The following PKD1L3 variants were observed in gnomAD, a reference collection of about 807,000 sequenced individuals.
PKD1L3 encodes the protein polycystin 1 like 3, transient receptor potential channel interacting, also known as polycystin-1-like protein 3.
Under a neutral mutation model 184.1 loss-of-function variants are expected in PKD1L3, and 239 were observed. The ratio of observed to expected loss-of-function variants is 1.30; its 90% CI spans 1.17 to 1.45. The LOEUF is 1.45. Ranked by LOEUF, PKD1L3 falls within the 40% of genes most tolerant of loss-of-function variation. The pLI is 0.00. For synonymous variants in PKD1L3, 996 were observed against 778.8 expected, an observed-to-expected ratio of 1.28 and a Z score of -4.64; for missense variants, 2,660 against 2,067.2, an observed-to-expected ratio of 1.29 and a Z score of -5.56.
chr16:71,957,612 A>G (rs572597466), intron 16 of PKD1L3, among the ~76,000 whole-genome samples: 10 of 152,120 alleles, frequency 6.6e-5, no homozygotes, highest in Non-Finnish European at 1.5e-4. Context: ...AGCCTGGCCA[A>G]CATGGTGAAA....
rs1313810000 is a variant in PKD1L3, at chr16:71,977,255, C to T, written c.1740G>A (p.Lys580=). ...THFHLNITLP[K]DKVWQKDEEY... ...TTTTACCTTTTTGCCACACCTTATCCTTTGGAAGGGTGATGTTCAGGTGGA... is the reference window on the plus strand; with the variant it reads ...TTTTACCTTTTTGCCACACCTTATCTTTTGGAAGGGTGATGTTCAGGTGGA... The change falls in exon 11 of 30, where the codon AAG becomes AAA. Residue 580 remains lysine, a synonymous_variant. Coordinates refer to ENST00000620267, the MANE Select transcript of PKD1L3 (RefSeq NM_181536.2). The T allele has an allele frequency of 5.2e-6, 8 of 1,530,608 alleles. No individual in the cohort carries two copies. Among genetic ancestry groups the T allele is most frequent in the Non-Finnish European group, 7.1e-6 (8 of 1,127,948 alleles). The allele number at this position is 1,530,608 out of a possible 1,614,324, so 94.8% of individuals were successfully genotyped here. A position where few individuals can be genotyped will look rare whatever the true frequency, so the allele number is the denominator to read the frequency against.
At position 71,950,899 on chromosome 16, in the gene PKD1L3, A is replaced by ATT. The variant is rs781559242; in HGVS notation, c.3191-591_3191-590dup. Among the ~76,000 whole-genome samples the ATT allele has an allele frequency of 2.8e-3, 397 of 140,128 alleles. 2 individuals are homozygous for ATT. Among genetic ancestry groups the ATT allele is most frequent in the African/African-American group, 9.9e-3 (380 of 38,212 alleles). 91.9% of individuals were successfully genotyped at this position (140,128 alleles called of 152,430 possible). A position where few individuals can be genotyped will look rare whatever the true frequency, so the allele number is the denominator to read the frequency against. ...AGGCATCTGCCACCATGACCAGCTA[A>ATT]TTTTTTTTTTTTTTTGTATTTTTAG... On this transcript the variant is annotated intron_variant, in intron 19 of 29. Coordinates refer to ENST00000620267, the MANE Select transcript of PKD1L3 (RefSeq NM_181536.2).
At chr16:71,971,706 A>C (rs764526341) in intron 12 of PKD1L3, among the ~76,000 whole-genome samples, 26 of 152,204 alleles carry the variant, frequency 1.7e-4, no homozygotes, top group Admixed American at 5.2e-4. Context: ...ACTGCTTCAG[A>C]ATCTACATTT....
intron 22 of PKD1L3, among the ~76,000 whole-genome samples, chr16:71,944,371 G>C (rs2038478278): frequency 6.6e-6 from 1 of 152,064 alleles, no homozygotes; most frequent in African/African-American, 2.4e-5. Context: ...TGATACTTTT[G>C]TACAATACAG....
intron 16 of PKD1L3, among the ~76,000 whole-genome samples, chr16:71,956,596 T>A (rs2039059065): frequency 6.6e-6 from 1 of 152,182 alleles, no homozygotes; most frequent in Non-Finnish European, 1.5e-5. Flanking sequence ...ACTGTATGGT[T>A]CTGCTTACAT....
rs578186543 is a variant in PKD1L3, at chr16:71,964,905, G to A, written c.2466-1554C>T. On this transcript the variant is annotated intron_variant, in intron 15 of 29. Coordinates refer to ENST00000620267, the MANE Select transcript of PKD1L3 (RefSeq NM_181536.2). The stretch of plus-strand genomic sequence containing the variant: ...TCTGTTGCCCAGGCTGGAGTGCAGC[G>A]GTGCGATCTTGGCTCACTGCAACCT... Among the ~76,000 whole-genome samples the A allele has an allele frequency of 2.8e-3, 412 of 148,462 alleles. 2 individuals are homozygous for A. Among genetic ancestry groups the A allele is most frequent in the African/African-American group, 6.1e-3 (245 of 40,220 alleles).
At chr16:71,943,883 G>A in intron 23 of PKD1L3, 147 bp downstream of exon 23, 4 of 971,274 alleles carry the variant, frequency 4.1e-6, no homozygotes, top group Non-Finnish European at 4.5e-6. Flanking sequence ...CATCCCACCT[G>A]CTTTACTGGA....
chr16:71,953,734 G>A (rs2038938038), intron 17 of PKD1L3, among the ~76,000 whole-genome samples: 1 of 152,040 alleles, frequency 6.6e-6, no homozygotes, highest in South Asian at 2.1e-4. Flanking sequence ...TCACTATCAT[G>A]GGAAAAGCAT....
intron 16 of PKD1L3, among the ~76,000 whole-genome samples, chr16:71,955,426 C>T (rs923750044): frequency 1.3e-5 from 2 of 151,940 alleles, no homozygotes; most frequent in African/African-American, 4.8e-5. Context: ...TACAGAGAGA[C>T]TCCATCTAAA....
chr16:71,976,038 C>A (rs2039906854), intron 11 of PKD1L3, among the ~76,000 whole-genome samples: 1 of 151,638 alleles, frequency 6.6e-6, no homozygotes, highest in African/African-American at 2.4e-5. Flanking sequence ...ACCTCTGCCT[C>A]CTGGGTTCAA....
At chr16:71,931,673 A>G (rs941384880) in intron 28 of PKD1L3, among the ~76,000 whole-genome samples, 2 of 151,882 alleles carry the variant, frequency 1.3e-5, no homozygotes, top group African/African-American at 2.4e-5. Flanking sequence ...CATGTTGGCC[A>G]GGCTGGTCTT....
At chr16:71,964,909 C>T (rs1026141149) in intron 15 of PKD1L3, among the ~76,000 whole-genome samples, 7 of 145,226 alleles carry the variant, frequency 4.8e-5, no homozygotes, top group Non-Finnish European at 7.6e-5. Flanking sequence ...TGCAGCGGTG[C>T]GATCTTGGCT....
chr16:71,962,519 C>T (rs1360381427), intron 16 of PKD1L3, among the ~76,000 whole-genome samples: 6 of 152,008 alleles, frequency 3.9e-5, no homozygotes, highest in African/African-American at 1.2e-4. Flanking sequence ...GATGGAGTTT[C>T]GCTCCGTTGC....
chr16:71,958,342 C>G (rs1427487543), intron 16 of PKD1L3, among the ~76,000 whole-genome samples: 6 of 141,826 alleles, frequency 4.2e-5, no homozygotes, highest in Non-Finnish European at 9.3e-5. Flanking sequence ...AGCCGAGATC[C>G]CGCCACTGCA....
intron 12 of PKD1L3, 64 bp downstream of exon 12, chr16:71,973,260 G>C (rs1382882585): frequency 6.8e-7 from 1 of 1,478,472 alleles, no homozygotes; most frequent in Non-Finnish European, 9.2e-7. Context: ...TGAGATAACG[G>C]ATGCATTGGG....
intron 3 of PKD1L3, among the ~76,000 whole-genome samples, chr16:71,991,970 A>AT (rs1431370063): frequency 6.6e-6 from 1 of 152,094 alleles, no homozygotes; most frequent in African/African-American, 2.4e-5. Flanking sequence ...ACCACATCTA[A>AT]TTTTTTTAAT....
At chr16:71,983,818 C>T (rs1022930626) in intron 6 of PKD1L3, among the ~76,000 whole-genome samples, 4 of 151,544 alleles carry the variant, frequency 2.6e-5, no homozygotes, top group Non-Finnish European at 4.4e-5. Context: ...TGCCCGCCAC[C>T]GAGCCCAGCT....
chr16:71,941,137 C>A (rs894420766), intron 24 of PKD1L3, among the ~76,000 whole-genome samples: 1 of 151,986 alleles, frequency 6.6e-6, no homozygotes, highest in African/African-American at 2.4e-5. Flanking sequence ...CGCACCCAGC[C>A]TGCCTTTCTT....
intron 7 of PKD1L3, among the ~76,000 whole-genome samples, chr16:71,980,703 T>C (rs1028645892): frequency 2.0e-5 from 3 of 152,030 alleles, no homozygotes; most frequent in African/African-American, 7.2e-5. Flanking sequence ...GGCATGGTGG[T>C]GTGCACCTGT....
Sources: gnomAD v4.1 joint callset for allele counts (sites outside exome capture counted in the v4.1 genomes callset) on GRCh38, gnomAD v4.1.1 for gene constraint, MANE v1.5 for transcripts, NCBI Gene and HGNC (gene_info 2026-07-23, HGNC 2026-07-21) for gene names.